Variants in ELN observed in about 807,000 individuals in gnomAD.
ELN encodes the protein tropoelastin.
A neutral mutation model predicts 105.8 loss-of-function variants in ELN; 65 were observed. The observed-to-expected ratio is 0.61, with a 90% confidence interval of 0.50 to 0.75. The LOEUF (loss-of-function observed/expected upper bound fraction) is 0.75. Ranked by LOEUF, ELN falls within the 30% of genes least tolerant of loss-of-function variation. The pLI is 0.00. For missense variants in ELN, 882 were observed against 969.4 expected, an observed-to-expected ratio of 0.91 and a Z score of 1.20; for synonymous variants, 368 against 389.2, an observed-to-expected ratio of 0.95 and a Z score of 0.64.
At chr7:74,054,189 C>T (rs1037864518) in intron 18 of ELN, among the ~76,000 whole-genome samples, 13 of 152,112 alleles carry the variant, frequency 8.5e-5, no homozygotes, top group Admixed American at 2.6e-4. Context: ...AATGGACAGC[C>T]GGGAGCAGTG....
intron 4 of ELN, 26 bp from the exon 5 acceptor site, chr7:74,041,190 C>A: frequency 6.2e-7 from 1 of 1,614,000 alleles, no homozygotes; most frequent in Admixed American, 1.7e-5. Context: ...ACTGCCTACA[C>A]TCCTGTCTCT....
chr7:74,066,021 G>T (rs782083834), intron 31 of ELN, 24 bp downstream of exon 31: 1 of 1,613,986 alleles, frequency 6.2e-7, no homozygotes, highest in Non-Finnish European at 8.5e-7. Flanking sequence ...GCTCTGCTAC[G>T]TAGTCCTCAG....
rs782295899 is a variant in ELN at position 74,051,754 on chromosome 7, T to C, written c.804T>C (p.Ala268=). 1.9e-6 allele frequency: 3 copies of C among 1,614,068 alleles called. No homozygotes were observed. Among genetic ancestry groups the C allele is most frequent in the African/African-American group, 1.3e-5 (1 of 74,934 alleles). The change falls in exon 16 of 33, where the codon GCT becomes GCC. Residue 268 remains alanine (A), a synonymous_variant. Coordinates refer to ENST00000252034, the MANE Select transcript of ELN (RefSeq NM_000501.4). The part of the protein sequence containing the change: ...AAAKAAAKFG[A]GAAGVLPGVG... ...GCACTGTCCCCATCTCAACAGGTGC[T>C]GGAGCAGCCGGAGTCCTCCCTGGTG...
In ELN at chr7:74,063,958, C is replaced by T. The variant is rs1388483029; in HGVS notation, c.1993+263C>T. Among the ~76,000 whole-genome samples the T allele has an allele frequency of 6.6e-6, 1 of 151,900 alleles. No homozygotes were observed. The highest frequency in any genetic ancestry group is 1.5e-5 in the Non-Finnish European group (1 of 67,980). On this transcript the variant is annotated intron_variant, in intron 29 of 32. Coordinates refer to ENST00000252034, the MANE Select transcript of ELN (RefSeq NM_000501.4). This position sits in a 1 kb window ranked among gnomAD's most constrained non-coding sequence, Gnocchi z 4.1. ...TCTCTACCAAAAATACAAAAATAAG[C>T]CGGGCGTGGTGGTGGGCACCTGTAT...
intron 2 of ELN, 64 bp downstream of exon 2, chr7:74,035,478 G>A (rs1554665020): frequency 3.8e-6 from 6 of 1,592,240 alleles, no homozygotes; most frequent in African/African-American, 1.3e-5. Flanking sequence ...CATAATAGAT[G>A]CACATTTTGA....
At chr7:74,065,360 A>G (rs925357639) in intron 29 of ELN, among the ~76,000 whole-genome samples, 1 of 151,808 alleles carries the variant, frequency 6.6e-6, no homozygotes. Context: ...CACACCTGTA[A>G]TGTCAGCACT....
At chr7:74,046,030 C>T in intron 10 of ELN, 158 bp from the exon 11 acceptor site, 1 of 994,706 alleles carries the variant, frequency 1.0e-6, no homozygotes, top group Non-Finnish European at 1.5e-6. Context: ...AGCGAAACTC[C>T]ATCTCCGAAA....
chr7:74,063,093 TG>T lies in ELN; in HGVS notation c.1787-56del. 1 of 1,555,974 alleles carries T rather than the reference TG, an allele frequency of 6.4e-7. No individual in the cohort carries two copies. Among genetic ancestry groups the T allele is most frequent in the Non-Finnish European group, 8.7e-7 (1 of 1,147,788 alleles). On this transcript the variant is annotated intron_variant, in intron 26 of 32. Coordinates refer to ENST00000252034, the MANE Select transcript of ELN (RefSeq NM_000501.4). This position sits in a 1 kb window ranked among gnomAD's most constrained non-coding sequence, Gnocchi z 4.1. ...CACCTGTCTGCTTGCCTTGTGTCCC[TG>T]GGGCAGGGAGACCCATCGTTCAGAA...
At chr7:74,030,642 C>T (rs960749640) in intron 1 of ELN, among the ~76,000 whole-genome samples, 19 of 151,926 alleles carry the variant, frequency 1.3e-4, no homozygotes, top group Non-Finnish European at 2.4e-4. Context: ...AAGTGATCCT[C>T]CCACCTCCGC....
At chr7:74,059,325 T>A (rs903999053) in intron 22 of ELN, among the ~76,000 whole-genome samples, 4 of 152,162 alleles carry the variant, frequency 2.6e-5, no homozygotes, top group Admixed American at 6.6e-5. Context: ...CAAAGTCCCT[T>A]ATATAATGTA....
chr7:74,048,649 T>A, intron 15 of ELN, 93 bp downstream of exon 15: 1 of 1,485,730 alleles, frequency 6.7e-7, no homozygotes, highest in Non-Finnish European at 9.2e-7. Flanking sequence ...AAGTGGCCCC[T>A]ACATACCCCC....
At chr7:74,067,159 G>C (rs1193695343) in intron 32 of ELN, among the ~76,000 whole-genome samples, 1 of 151,910 alleles carries the variant, frequency 6.6e-6, no homozygotes, top group Admixed American at 6.6e-5. Context: ...GGTGGCTCAC[G>C]CCTGTAATCC....
rs1583972927 is a variant in ELN, at chr7:74,060,739, C to T, written c.1747+238C>T. 12 of 1,141,504 alleles carry T rather than the reference C, an allele frequency of 1.1e-5. No homozygotes were observed. In the East Asian group the frequency reaches 3.1e-4, roughly 29 times the overall value. The allele number at this position is 1,141,504 out of a possible 1,614,324, so 70.7% of individuals were successfully genotyped here. Reference sequence around the variant, plus strand: ...TCCTCAGTAGAGGGGTGGCAGGGCTCCAGACTGAGAAAAAGCCTGCCCTCC... The same window carrying T: ...TCCTCAGTAGAGGGGTGGCAGGGCTTCAGACTGAGAAAAAGCCTGCCCTCC... On this transcript the variant is annotated intron_variant, in intron 25 of 32. Coordinates refer to ENST00000252034, the MANE Select transcript of ELN (RefSeq NM_000501.4).
At chr7:74,045,615 C>T (rs1371852916) in intron 10 of ELN, 17 of 403,594 alleles carry the variant, frequency 4.2e-5, no homozygotes, top group Non-Finnish European at 7.5e-5. Context: ...TGGTCACACA[C>T]ACCTATGATC....
rs781929514 is a variant in ELN at position 74,048,154 on chromosome 7, G to C, written c.698G>C (p.Gly233Ala). ...TGKLPYGYGP[G>A]GVAGAAGKAG... ...CTCTGTTTTGCAGGCTATGGGCCCG[G>C]AGGAGTGGCTGGTGCAGCGGGCAAG... The change falls in exon 14 of 33, where the codon GGA becomes GCA. Residue 233 changes from glycine (G) to alanine (A), a missense_variant. Transcript: ENST00000252034. 16 of 1,613,952 alleles carry C rather than the reference G, an allele frequency of 9.9e-6. No homozygotes were observed. In the South Asian group the frequency reaches 1.8e-4, roughly 18 times the overall value.
intron 1 of ELN, 90 bp from the exon 2 acceptor site, chr7:74,035,274 A>G (rs992132506): frequency 4.7e-5 from 64 of 1,355,100 alleles, no homozygotes; most frequent in African/African-American, 7.1e-5. Flanking sequence ...GGGTTTTGCC[A>G]TTGAAAGTAA....
rs1415206867 is a variant in ELN at position 74,046,282 on chromosome 7, G to T, written c.571+65G>T. The T allele has an allele frequency of 3.7e-6, 6 of 1,609,408 alleles. No homozygotes were observed. The African/African-American group carries it at 6.7e-5, about 18-fold the overall frequency. ...GGCAGAGGCTCTGGCGTTGGGAGGG[G>T]TTGGGCACCCAAGATCCCATCCAAG... On this transcript the variant is annotated intron_variant, in intron 11 of 32. Transcript: ENST00000252034.
At chr7:74,034,801 A>C (rs1260085244) in intron 1 of ELN, among the ~76,000 whole-genome samples, 1 of 152,036 alleles carries the variant, frequency 6.6e-6, no homozygotes, top group South Asian at 2.1e-4. Context: ...GCCTGATTTC[A>C]TGTCTTAAGA....
At chr7:74,068,159 C>T (rs779028721) in intron 32 of ELN, among the ~76,000 whole-genome samples, 1 of 152,108 alleles carries the variant, frequency 6.6e-6, no homozygotes, top group Non-Finnish European at 1.5e-5. Flanking sequence ...GGTAGGAATC[C>T]TGGGTTTGAG....
Sources: gnomAD v4.1 joint callset for allele counts (sites outside exome capture counted in the v4.1 genomes callset) on GRCh38, gnomAD v4.1.1 for gene constraint, Gnocchi (gnomAD v3.1) non-coding constraint, MANE v1.5 for transcripts, NCBI Gene and HGNC (gene_info 2026-07-23, HGNC 2026-07-21) for gene names.